The following RETREG1 variants were observed in gnomAD, a reference collection of about 807,000 sequenced individuals.
The protein encoded by RETREG1 is family with sequence similarity 134 member B.
A neutral mutation model predicts 54.8 loss-of-function variants in RETREG1; 44 were observed. The ratio of observed to expected loss-of-function variants is 0.80; its 90% CI spans 0.63 to 1.03. The LOEUF (loss-of-function observed/expected upper bound fraction) is 1.03. RETREG1 is among the 50% of genes least tolerant of loss of function. The pLI is 0.00. For synonymous variants in RETREG1, 217 were observed against 238.5 expected (o/e 0.91, Z 0.83); for missense variants, 554 against 605.1 (o/e 0.92, Z 0.89).
chr5:16,614,408 T>C (rs1255692906), intron 1 of RETREG1, among the ~76,000 whole-genome samples: 1 of 152,236 alleles, frequency 6.6e-6, no homozygotes, highest in Non-Finnish European at 1.5e-5. Flanking sequence ...ATGTGGTAGT[T>C]CTTAAACATA....
Position 16,616,853 on chromosome 5 carries a change from T to A in RETREG1, c.119A>T (p.Gln40Leu). Residue 40 changes from glutamine (Q) to leucine (L), a missense_variant, in exon 1 of 9, where the codon CAG (glutamine) becomes CTG (leucine). Gln to Leu is a moderately radical substitution (Grantham distance 113). Transcript: ENST00000306320. ...PQASPAERQQ[Q>L]EEEAQEAGAA... Reference sequence around the variant, plus strand: ...CCCAGCTTCCTGCGCTTCCTCCTCCTGCTGCTGCCGCTCTGCGGGGGATGC... The same window carrying A: ...CCCAGCTTCCTGCGCTTCCTCCTCCAGCTGCTGCCGCTCTGCGGGGGATGC... 1 of 1,510,110 alleles carries A rather than the reference T, an allele frequency of 6.6e-7. No homozygotes were observed. The highest frequency in any genetic ancestry group is 8.8e-7 in the Non-Finnish European group (1 of 1,136,920). 93.5% of individuals were successfully genotyped at this position (1,510,110 alleles called of 1,614,324 possible). A position where few individuals can be genotyped will look rare whatever the true frequency, so the allele number is the denominator to read the frequency against.
In RETREG1 at chr5:16,541,369, G is replaced by A. The variant is rs1242920765; in HGVS notation, c.458+24394C>T. Among the ~76,000 whole-genome samples the A allele has an allele frequency of 3.9e-5, 6 of 152,150 alleles. No individual in the cohort carries two copies. In the South Asian group the frequency reaches 8.3e-4, roughly 21 times the overall value. On this transcript the variant is annotated intron_variant, in intron 3 of 8. Coordinates refer to ENST00000306320, the MANE Select transcript of RETREG1 (RefSeq NM_001034850.3). ...ACAATTCACTAAAACGAACTGCCTCGATTTCACATTTGACTTTGCTCTTAG... is the reference window on the plus strand; with the variant it reads ...ACAATTCACTAAAACGAACTGCCTCAATTTCACATTTGACTTTGCTCTTAG...
chr5:16,611,162 C>A (rs544611664), intron 1 of RETREG1, among the ~76,000 whole-genome samples: 9 of 152,200 alleles, frequency 5.9e-5, no homozygotes, highest in South Asian at 2.1e-4. Context: ...GACAAAAAAA[C>A]CAAACACTGC....
intron 2 of RETREG1, among the ~76,000 whole-genome samples, chr5:16,570,621 C>T (rs1419019501): frequency 6.6e-6 from 1 of 152,182 alleles, no homozygotes; most frequent in African/African-American, 2.4e-5. Context: ...GAACATATTA[C>T]TGTCTATTTA....
chr5:16,518,584 A>G (rs1475819222), intron 3 of RETREG1, among the ~76,000 whole-genome samples: 7 of 152,146 alleles, frequency 4.6e-5, no homozygotes, highest in Admixed American at 1.3e-4. Flanking sequence ...AAAAAAGATT[A>G]CTTTTAAATG....
rs143323147 is a variant in RETREG1 at position 16,529,772 on chromosome 5, T to A, written c.458+35991A>T. ...GCGTGTTTTTCAGTCCAACCCAGAG[T>A]GGAATGGGGGTAGAAAGTGAAATTT... On this transcript the variant is annotated intron_variant, in intron 3 of 8. Transcript: ENST00000306320. Among the ~76,000 whole-genome samples, 186 of 152,160 alleles carry A rather than the reference T, an allele frequency of 1.2e-3. 1 individual carries two copies. The highest frequency in any genetic ancestry group is 2.4e-3 in the Admixed American group (36 of 15,264).
intron 1 of RETREG1, among the ~76,000 whole-genome samples, chr5:16,605,116 A>C (rs563047808): frequency 6.6e-6 from 1 of 152,300 alleles, no homozygotes; most frequent in African/African-American, 2.4e-5. Flanking sequence ...AAAACAAAAC[A>C]AAAGTGTAAT....
At chr5:16,482,233 A>G (rs1456737377) in intron 4 of RETREG1, among the ~76,000 whole-genome samples, 1 of 152,056 alleles carries the variant, frequency 6.6e-6, no homozygotes, top group Non-Finnish European at 1.5e-5. Context: ...AAATAAGCCA[A>G]GAAAAGCATT....
chr5:16,512,223 A>G (rs889536583), intron 3 of RETREG1, among the ~76,000 whole-genome samples: 2 of 152,186 alleles, frequency 1.3e-5, no homozygotes, highest in Admixed American at 6.5e-5. Flanking sequence ...AGAAGTGATC[A>G]CCAAGATTTT....
intron 3 of RETREG1, among the ~76,000 whole-genome samples, chr5:16,496,534 A>G (rs963365994): frequency 1.1e-4 from 16 of 152,302 alleles, no homozygotes; most frequent in African/African-American, 3.8e-4. Context: ...ACATAGAAAC[A>G]TGGCCATGCC....
chr5:16,510,789 C>T (rs1335084635), intron 3 of RETREG1, among the ~76,000 whole-genome samples: 2 of 98,730 alleles, frequency 2.0e-5, no homozygotes, highest in South Asian at 3.1e-4. Flanking sequence ...GAACCTGTCT[C>T]GAAAAAACAA....
chr5:16,476,105 G>T (rs950310205), intron 8 of RETREG1, among the ~76,000 whole-genome samples: 1 of 152,100 alleles, frequency 6.6e-6, no homozygotes, highest in Non-Finnish European at 1.5e-5. Context: ...GAGCTTGAAT[G>T]ACCTTCAGCA....
chr5:16,507,132 A>T (rs967993604), intron 3 of RETREG1, among the ~76,000 whole-genome samples: 17 of 152,206 alleles, frequency 1.1e-4, no homozygotes, highest in Non-Finnish European at 2.1e-4. Flanking sequence ...CTTAATTGTG[A>T]AAATATTGCA....
rs1479862115 is a variant in RETREG1, at chr5:16,483,444, C to G, written c.487G>C (p.Glu163Gln). The change falls in exon 4 of 9, where the codon GAA becomes CAA. Residue 163 changes from glutamate to glutamine, a missense_variant. This residue lies in a region of RETREG1 where 347 missense variants were observed against 412.3 expected (regional missense o/e 0.84). Coordinates refer to ENST00000306320, the MANE Select transcript of RETREG1 (RefSeq NM_001034850.3). Reference sequence around the variant, plus strand: ...ATACAGTGGCTGAGCCTGGGTCTTTCATCTGGTTTGGAATTGATAACTTCC... The same window carrying G: ...ATACAGTGGCTGAGCCTGGGTCTTTGATCTGGTTTGGAATTGATAACTTCC... ...SWEVINSKPD[E>Q]RPRLSHCIAE... 1 of 1,613,092 alleles carries G rather than the reference C, an allele frequency of 6.2e-7. No homozygotes were observed. Among genetic ancestry groups the G allele is most frequent in the African/African-American group, 1.3e-5 (1 of 74,832 alleles).
intron 5 of RETREG1, among the ~76,000 whole-genome samples, chr5:16,480,236 G>A (rs993347309): frequency 6.6e-6 from 1 of 151,928 alleles, no homozygotes; most frequent in African/African-American, 2.4e-5. Context: ...TATATAAATG[G>A]AATCACACTT....
chr5:16,518,909 G>C (rs1740444446), intron 3 of RETREG1, among the ~76,000 whole-genome samples: 1 of 152,164 alleles, frequency 6.6e-6, no homozygotes, highest in African/African-American at 2.4e-5. Context: ...TACAGAATTT[G>C]TTGCCCGTGA....
chr5:16,498,052 T>C (rs1421479628), intron 3 of RETREG1, among the ~76,000 whole-genome samples: 1 of 152,266 alleles, frequency 6.6e-6, no homozygotes, highest in Non-Finnish European at 1.5e-5. Flanking sequence ...ATTCATTTTA[T>C]AATGAAGTCT....
rs182859530 is a variant in RETREG1, at chr5:16,568,149, T to C, written c.428-2356A>G. Among the ~76,000 whole-genome samples the C allele has an allele frequency of 6.9e-4, 104 of 151,782 alleles. 1 individual carries two copies. Among genetic ancestry groups the C allele is most frequent in the African/African-American group, 2.3e-3 (96 of 41,348 alleles). On this transcript the variant is annotated intron_variant, in intron 2 of 8. Coordinates refer to ENST00000306320, the MANE Select transcript of RETREG1 (RefSeq NM_001034850.3). Reference sequence around the variant, plus strand: ...CAGGGAAGCACACACTCAAGGTACATAACAATGACAAAGAGAGGGAGAGAG... The same window carrying C: ...CAGGGAAGCACACACTCAAGGTACACAACAATGACAAAGAGAGGGAGAGAG...
intron 3 of RETREG1, among the ~76,000 whole-genome samples, chr5:16,491,867 A>G (rs1016752834): frequency 6.6e-6 from 1 of 152,200 alleles, no homozygotes; most frequent in Non-Finnish European, 1.5e-5. Flanking sequence ...TACGAAAGAA[A>G]GGAAAGAAAG....
Sources: allele counts gnomAD v4.1 joint callset (sites outside exome capture counted in the v4.1 genomes callset), GRCh38; gene constraint gnomAD v4.1.1; regional missense constraint gnomAD v4.1.1; transcripts MANE v1.5; gene names NCBI Gene and HGNC (gene_info 2026-07-23, HGNC 2026-07-21).